Variants in MPP7 observed in about 807,000 individuals in gnomAD.
MPP7 encodes the protein MAGUK p55 scaffold protein 7, also known as MAGUK p55 subfamily member 7.
In MPP7, 60 loss-of-function variants were observed where a neutral mutation model predicts 76.5. The observed-to-expected ratio is 0.78, with a 90% CI of 0.64 to 0.97. The LOEUF (loss-of-function observed/expected upper bound fraction) is 0.97, where lower values mean the gene tolerates loss of function less well. Among genes scored for constraint, MPP7 ranks in the 50% least tolerant of loss-of-function variants. The pLI is 0.00. For missense variants in MPP7, 641 were observed against 694.0 expected, an observed-to-expected ratio of 0.92 and a Z score of 0.86; for synonymous variants, 237 against 244.5, an observed-to-expected ratio of 0.97 and a Z score of 0.29.
At chr10:28,166,400 ATTTTTTTTT>A (rs34887665) in intron 3 of MPP7, among the ~76,000 whole-genome samples, 3 of 93,436 alleles carry the variant, frequency 3.2e-5, no homozygotes, top group South Asian at 4.0e-4. Context: ...TTACCTTTTA[ATTTTTTTTT>A]TTTTTTTTTT....
chr10:28,293,106 A>G (rs1293456438), intron 1 of MPP7, among the ~76,000 whole-genome samples: 2 of 152,172 alleles, frequency 1.3e-5, no homozygotes, highest in African/African-American at 4.8e-5. Context: ...GAAAGATTTC[A>G]AAGAAAAAAT....
chr10:28,122,305 G>A (rs1440001373), intron 8 of MPP7, among the ~76,000 whole-genome samples: 2 of 151,932 alleles, frequency 1.3e-5, no homozygotes, highest in South Asian at 2.1e-4. Flanking sequence ...TCTATCTCTC[G>A]TGATTGCCTC....
At chr10:28,193,454 G>A (rs928213476) in intron 3 of MPP7, among the ~76,000 whole-genome samples, 11 of 152,054 alleles carry the variant, frequency 7.2e-5, no homozygotes, top group East Asian at 3.9e-4. Flanking sequence ...CTCATGATCC[G>A]CCCGCCTCGG....
chr10:28,230,786 A>G (rs567434307), intron 2 of MPP7, among the ~76,000 whole-genome samples: 2 of 152,358 alleles, frequency 1.3e-5, no homozygotes, highest in South Asian at 4.1e-4. Flanking sequence ...ACTGCATTCC[A>G]GCCTGGGAGA....
In MPP7 at chr10:28,118,074, ATATT is replaced by A. The variant is rs1834713730; in HGVS notation, c.952+1573_952+1576del. On this transcript the variant is annotated intron_variant, in intron 11 of 16. Transcript: ENST00000683449. Reference sequence around the variant, plus strand: ...TCAGTAAAGATAAATGCTAGAATAAATATTTATCAGATCCAAATATTGAAGTATT... The same window carrying A: ...TCAGTAAAGATAAATGCTAGAATAAATATCAGATCCAAATATTGAAGTATT... The A allele has an allele frequency of 1.2e-5, 12 of 965,158 alleles. No homozygotes were observed. The South Asian group carries it at 5.3e-4, about 43-fold the overall frequency. 59.8% of individuals were successfully genotyped at this position (965,158 alleles called of 1,614,324 possible). A position where few individuals can be genotyped will look rare whatever the true frequency, so the allele number is the denominator to read the frequency against.
intron 7 of MPP7, among the ~76,000 whole-genome samples, 166 bp from the exon 8 acceptor site, chr10:28,124,282 C>A (rs1834939061): frequency 6.6e-6 from 1 of 152,156 alleles, no homozygotes; most frequent in South Asian, 2.1e-4. Flanking sequence ...CTCTCCATAG[C>A]AGTGACTCAA....
At chr10:28,067,605 T>G (rs1852043798) in intron 13 of MPP7, among the ~76,000 whole-genome samples, 1 of 152,186 alleles carries the variant, frequency 6.6e-6, no homozygotes, top group Admixed American at 6.5e-5. Context: ...AACCTTTCTG[T>G]AATATTGTCA....
intron 2 of MPP7, among the ~76,000 whole-genome samples, chr10:28,235,746 C>T (rs534327923): frequency 2.6e-5 from 4 of 152,200 alleles, no homozygotes; most frequent in African/African-American, 9.6e-5. Flanking sequence ...AGAAAGGTAG[C>T]ATGCACCATA....
At chr10:28,208,084 T>C (rs1838006814) in intron 2 of MPP7, among the ~76,000 whole-genome samples, 1 of 152,146 alleles carries the variant, frequency 6.6e-6, no homozygotes, top group Admixed American at 6.6e-5. Flanking sequence ...AGGAGATTTT[T>C]TCCTGTTATC....
chr10:28,120,478 G>A, intron 9 of MPP7, 88 bp from the exon 10 acceptor site: 5 of 1,488,034 alleles, frequency 3.4e-6, no homozygotes, highest in South Asian at 1.2e-5. Context: ...TCCAAACATA[G>A]TAATTTTAAA....
intron 11 of MPP7, among the ~76,000 whole-genome samples, chr10:28,114,923 G>C (rs1834614825): frequency 6.6e-6 from 1 of 152,180 alleles, no homozygotes; most frequent in Non-Finnish European, 1.5e-5. Context: ...AGCAGTAACA[G>C]TTAGAAGGTT....
At chr10:28,158,695 TG>T (rs1238807172) in intron 3 of MPP7, among the ~76,000 whole-genome samples, 1 of 152,170 alleles carries the variant, frequency 6.6e-6, no homozygotes, top group African/African-American at 2.4e-5. Flanking sequence ...ACAGGTCACA[TG>T]GACCCCACTG....
chr10:28,172,620 G>C (rs1274123625), intron 3 of MPP7, among the ~76,000 whole-genome samples: 2 of 152,152 alleles, frequency 1.3e-5, no homozygotes, highest in Admixed American at 6.5e-5. Context: ...AAAGAAGAAA[G>C]ATAAATCTAA....
At chr10:28,184,428 A>G (rs10826415) in intron 3 of MPP7, among the ~76,000 whole-genome samples, 122,602 of 148,462 alleles carry the variant, frequency 0.83, 51,219 homozygotes, top group African/African-American at 0.89. Flanking sequence ...TACTATCTTG[A>G]TCAGGCATGG....
At chr10:28,167,531 T>C (rs1158559089) in intron 3 of MPP7, among the ~76,000 whole-genome samples, 1 of 152,160 alleles carries the variant, frequency 6.6e-6, no homozygotes, top group Non-Finnish European at 1.5e-5. Context: ...TGTTCACCAT[T>C]TGGGTGACCG....
Position 28,216,206 on chromosome 10 carries a change from C to G in MPP7, c.38-13935G>C, listed in dbSNP as rs544127612. Among the ~76,000 whole-genome samples, 49 of 151,232 alleles carry G rather than the reference C, an allele frequency of 3.2e-4. 1 individual carries two copies. Among genetic ancestry groups the G allele is most frequent in the African/African-American group, 9.7e-4 (40 of 41,102 alleles). On this transcript the variant is annotated intron_variant, in intron 2 of 16. Coordinates refer to ENST00000683449, the MANE Select transcript of MPP7 (RefSeq NM_001318170.2). Reference sequence around the variant, plus strand: ...CAGCCTGAGCAACATAGCAAGACCCCGTTTCTAAAAAAAAAAAGGAGGATT... The same window carrying G: ...CAGCCTGAGCAACATAGCAAGACCCGGTTTCTAAAAAAAAAAAGGAGGATT...
In MPP7 at chr10:28,131,675, T is replaced by C. The variant is rs1403427254; in HGVS notation, c.332A>G (p.His111Arg). ...KPNVKALLSVHDTVAQKNYDP... is the reference protein window; with the variant it reads ...KPNVKALLSVRDTVAQKNYDP... ...GTAATTCTTCTGAGCCACAGTATCA[T>C]GTACAGAGAGCAAAGCCTGTAATAT... The change falls in exon 6 of 17, where the codon CAT becomes CGT. Residue 111 changes from histidine (H) to arginine (R), a missense_variant. Transcript: ENST00000683449. 5.0e-6 allele frequency: 8 copies of C among 1,592,384 alleles called. No homozygotes were observed. Among genetic ancestry groups the C allele is most frequent in the South Asian group, 2.2e-5 (2 of 89,930 alleles).
chr10:28,062,531 A>AACACAC (rs56923979), intron 13 of MPP7, among the ~76,000 whole-genome samples: 2,245 of 132,312 alleles, frequency 0.017, 34 homozygotes, highest in Non-Finnish European at 0.024. Context: ...CATAATAGTA[A>AACACAC]ACACACACAC....
chr10:28,072,983 A>G (rs935995134), intron 12 of MPP7, among the ~76,000 whole-genome samples: 1 of 152,184 alleles, frequency 6.6e-6, no homozygotes, highest in Non-Finnish European at 1.5e-5. Flanking sequence ...TGCTGAGCTG[A>G]GTGCAGAAAA....
Sources: gnomAD v4.1 joint callset for allele counts (sites outside exome capture counted in the v4.1 genomes callset) on GRCh38, gnomAD v4.1.1 for gene constraint, MANE v1.5 for transcripts, NCBI Gene and HGNC (gene_info 2026-07-23, HGNC 2026-07-21) for gene names.